TMCO5A: variants seen among roughly 807,000 people sequenced by gnomAD.
TMCO5A encodes transmembrane and coiled-coil domains 5A, also known as transmembrane and coiled-coil domain-containing protein 5A.
Under a neutral mutation model 42.3 loss-of-function variants are expected in TMCO5A, and 34 were observed. That is an observed-to-expected ratio of 0.80 (90% CI 0.61 to 1.07). The LOEUF (loss-of-function observed/expected upper bound fraction) is 1.07. Among genes scored for constraint, TMCO5A ranks in the 50% least tolerant of loss-of-function variants. The probability of loss-of-function intolerance (pLI) is 0.00; values close to 1 mark genes in which losing one functional copy is unlikely to be tolerated. For missense variants in TMCO5A, 357 were observed against 327.9 expected (o/e 1.09, Z -0.69); for synonymous variants, 131 against 115.6 (o/e 1.13, Z -0.86).
chr15:37,935,229 A>G (rs1220665367), intron 1 of TMCO5A, 28 bp from the exon 2 acceptor site: 2 of 152,130 alleles, frequency 1.3e-5, no homozygotes, highest in Non-Finnish European at 2.9e-5. Flanking sequence ...TCTCCAATTC[A>G]TTAGATACAT....
chr15:37,988,738 AT>A, the TMCO5A span, among the ~76,000 whole-genome samples: 1 of 151,968 alleles, frequency 6.6e-6, no homozygotes, highest in African/African-American at 2.4e-5. Flanking sequence ...ATGCTGTTAA[AT>A]TTAGTTTGCT....
At chr15:38,032,708 G>C in the TMCO5A span, among the ~76,000 whole-genome samples, 1 of 152,140 alleles carries the variant, frequency 6.6e-6, no homozygotes, top group African/African-American at 2.4e-5. Flanking sequence ...ATAATTCTCA[G>C]AGGACTGCTC....
chr15:38,021,388 A>G, the TMCO5A span, among the ~76,000 whole-genome samples: 1 of 152,180 alleles, frequency 6.6e-6, no homozygotes, highest in African/African-American at 2.4e-5. Context: ...GATGTAACTC[A>G]GAAACTCAGC....
the TMCO5A span, among the ~76,000 whole-genome samples, chr15:37,988,949 C>G: frequency 6.6e-6 from 1 of 151,884 alleles, no homozygotes; most frequent in Non-Finnish European, 1.5e-5. Flanking sequence ...GTACATTTCT[C>G]CAGTGATGCC....
chr15:38,036,729 C>T, the TMCO5A span, among the ~76,000 whole-genome samples: 1 of 152,210 alleles, frequency 6.6e-6, no homozygotes, highest in African/African-American at 2.4e-5. Context: ...CCTTTTCTTA[C>T]TCCTGCAGGC....
the TMCO5A span, among the ~76,000 whole-genome samples, chr15:38,011,142 C>A: frequency 1.3e-5 from 2 of 152,196 alleles, no homozygotes; most frequent in African/African-American, 4.8e-5. Flanking sequence ...CTGGGCACAG[C>A]TTAGTTTGGT....
chr15:37,937,473 G>C, intron 5 of TMCO5A, 77 bp downstream of exon 5: 3 of 1,492,422 alleles, frequency 2.0e-6, no homozygotes, highest in African/African-American at 2.8e-5. Flanking sequence ...TGGGGGAAGT[G>C]ATCATAGAGG....
At chr15:37,973,895 GGTTT>G in the TMCO5A span, among the ~76,000 whole-genome samples, 3,623 of 152,148 alleles carry the variant, frequency 0.024, 141 homozygotes, top group African/African-American at 0.083. Flanking sequence ...GTTTGCTGTG[GGTTT>G]GTTACATATG....
intron 10 of TMCO5A, 107 bp from the exon 11 acceptor site, chr15:37,947,549 G>A: frequency 1.3e-6 from 1 of 756,960 alleles, no homozygotes; most frequent in Admixed American, 2.6e-5. Context: ...AAAAGAATTT[G>A]TTAAAGTTAT....
the TMCO5A span, among the ~76,000 whole-genome samples, chr15:38,008,142 A>T: frequency 6.6e-6 from 1 of 151,232 alleles, no homozygotes; most frequent in Non-Finnish European, 1.5e-5. Context: ...TGATCTGCCC[A>T]CCTTGGCCTC....
the TMCO5A span, among the ~76,000 whole-genome samples, chr15:37,987,529 T>G: frequency 2.0e-5 from 3 of 152,056 alleles, no homozygotes; most frequent in Non-Finnish European, 4.4e-5. Flanking sequence ...CATTTTGAGT[T>G]AATTTTTGCA....
chr15:37,968,967 G>T (rs974164504), downstream of TMCO5A, among the ~76,000 whole-genome samples: 8 of 152,158 alleles, frequency 5.3e-5, no homozygotes, highest in Non-Finnish European at 1.0e-4. Context: ...GGAAGAAAAA[G>T]AATATTTGTT....
chr15:37,990,848 T>C, the TMCO5A span, among the ~76,000 whole-genome samples: 30 of 152,028 alleles, frequency 2.0e-4, no homozygotes, highest in African/African-American at 6.3e-4. Context: ...AGTTATAATA[T>C]TCTCATTTGA....
At chr15:37,954,013 A>G (rs73388252), downstream of TMCO5A, among the ~76,000 whole-genome samples, 1,791 of 152,114 alleles carry the variant, frequency 0.012, 41 homozygotes, top group African/African-American at 0.04. Flanking sequence ...ATACACAGTC[A>G]GAGGACATAA....
chr15:38,031,882 A>G, the TMCO5A span, among the ~76,000 whole-genome samples: 1 of 151,888 alleles, frequency 6.6e-6, no homozygotes, highest in Non-Finnish European at 1.5e-5. Context: ...TCTCAATTCC[A>G]GAACTATGCC....
At chr15:37,987,712 C>G in the TMCO5A span, among the ~76,000 whole-genome samples, 4 of 151,948 alleles carry the variant, frequency 2.6e-5, no homozygotes, top group Admixed American at 1.3e-4. Context: ...CTATTCTGTT[C>G]CATTGGCCAA....
the TMCO5A span, among the ~76,000 whole-genome samples, chr15:38,029,009 G>C: frequency 6.6e-6 from 1 of 152,226 alleles, no homozygotes; most frequent in Admixed American, 6.5e-5. Context: ...TAAAGGTGGA[G>C]CTTGGGATTC....
chr15:37,999,560 T>C, the TMCO5A span, among the ~76,000 whole-genome samples: 1 of 152,216 alleles, frequency 6.6e-6, no homozygotes, highest in Non-Finnish European at 1.5e-5. Flanking sequence ...GGATTTCTAG[T>C]ACTATGTTGA....
At chr15:37,942,454 A>G in intron 9 of TMCO5A, 199 bp downstream of exon 9, 1 of 549,760 alleles carries the variant, frequency 1.8e-6, no homozygotes, top group Non-Finnish European at 3.3e-6. Flanking sequence ...CCATCCTTCT[A>G]AAAAGACCAC....
Sources: gnomAD v4.1 joint callset for allele counts (sites outside exome capture counted in the v4.1 genomes callset) on GRCh38, gnomAD v4.1.1 for gene constraint, MANE v1.5 for transcripts, NCBI Gene and HGNC (gene_info 2026-07-23, HGNC 2026-07-21) for gene names.